The following DNAJA2 variants were observed in gnomAD, a reference collection of about 807,000 sequenced individuals.
The protein encoded by DNAJA2 is dnaJ homolog subfamily A member 2.
DNAJA2 carries 6 observed loss-of-function variants against 49.3 expected under a neutral mutation model. The ratio of observed to expected loss-of-function variants is 0.12; its 90% CI spans 0.07 to 0.24. The LOEUF (loss-of-function observed/expected upper bound fraction) is 0.24, where lower values mean the gene tolerates loss of function less well. Among genes scored for constraint, DNAJA2 ranks in the 10% least tolerant of loss-of-function variants. The pLI, the probability that DNAJA2 is intolerant of heterozygous loss-of-function variation, is 1.00. For missense variants in DNAJA2, 347 were observed against 516.8 expected, an observed-to-expected ratio of 0.67 and a Z score of 3.19; for synonymous variants, 160 against 172.7, an observed-to-expected ratio of 0.93 and a Z score of 0.58.
Position 46,972,206 on chromosome 16 carries a change from T to C in DNAJA2, c.79-251A>G, listed in dbSNP as rs575690732. The stretch of plus-strand genomic sequence containing the variant: ...AAAACCAGATAAAACAATGAAGCAA[T>C]GCCACAGGGAAAAACAAAACGTTCA... On this transcript the variant is annotated intron_variant, in intron 1 of 8. Transcript: ENST00000317089. 221 of 445,230 alleles carry C rather than the reference T, an allele frequency of 5.0e-4. 2 individuals carry two copies. The South Asian group carries it at 6.9e-3, about 14-fold the overall frequency. 27.6% of individuals were successfully genotyped at this position (445,230 alleles called of 1,614,324 possible).
Position 46,968,130 on chromosome 16 carries a change from T to C in DNAJA2, c.397A>G (p.Thr133Ala), listed in dbSNP as rs760275799. Residue 133 changes from threonine to alanine, a missense_variant, in exon 4 of 9, where the codon ACC becomes GCC. Physicochemically the swap from Thr to Ala is moderately conservative, Grantham distance 58. Coordinates refer to ENST00000317089, the MANE Select transcript of DNAJA2 (RefSeq NM_005880.4). ...SLEDLYNGKT[T>A]KLQLSKNVLC... is the part of the protein sequence containing the mutation. ...ACATTCTTGCTAAGTTGTAGTTTGG[T>C]TGTCTTGCCATTATACAGATCTTCT... 3.1e-6 allele frequency: 5 copies of C among 1,609,616 alleles called. No homozygotes were observed. The highest frequency in any genetic ancestry group is 1.7e-5 in the Admixed American group (1 of 58,586).
intron 5 of DNAJA2, among the ~76,000 whole-genome samples, chr16:46,967,253 A>T (rs865948944): frequency 6.6e-6 from 1 of 151,752 alleles, no homozygotes; most frequent in Admixed American, 6.6e-5. Context: ...CCCTCATTAC[A>T]TATTTTTCCA....
chr16:46,959,083 G>GA lies in DNAJA2; in HGVS notation c.966dup (p.Pro323SerfsTer3). The GA allele has an allele frequency of 6.2e-7, 1 of 1,612,828 alleles. No homozygotes were observed. The highest frequency in any genetic ancestry group is 8.5e-7 in the Non-Finnish European group (1 of 1,179,566). On this transcript the variant is annotated frameshift_variant, in exon 8 of 9. Transcript: ENST00000317089. LOFTEE classifies it high-confidence loss of function. ...ATGTAAAGATCACCTTTTTCAAAGGGATTACGATACTGCGGCATCCCTTCA... is the reference window on the plus strand; with the variant it reads ...ATGTAAAGATCACCTTTTTCAAAGGGAATTACGATACTGCGGCATCCCTTCA...
At position 46,971,370 on chromosome 16, in the gene DNAJA2, TCTC is replaced by T; in HGVS notation, c.338_340del (p.Gly113del). The T allele has an allele frequency of 6.2e-7, 1 of 1,613,522 alleles. No homozygotes were observed. Among genetic ancestry groups the T allele is most frequent in the Non-Finnish European group, 8.5e-7 (1 of 1,179,860 alleles). ...TCACTTGAGTGGATGCATCATGTCC[TCTC>T]CTCTTCTTCTGCCATTTCGACTTCT... On this transcript the variant is annotated inframe_deletion, in exon 3 of 9. Coordinates refer to ENST00000317089, the MANE Select transcript of DNAJA2 (RefSeq NM_005880.4).
At position 46,959,121 on chromosome 16, in the gene DNAJA2, C is replaced by T; in HGVS notation, c.929G>A (p.Arg310His). The change falls in exon 8 of 9, where the codon CGT (arginine) becomes CAT (histidine). Residue 310 changes from arginine (R) to histidine (H), a missense_variant. Transcript: ENST00000317089. ...PGKVIEPGCVRVVRGEGMPQY... is the reference protein window; with the variant it reads ...PGKVIEPGCVHVVRGEGMPQY... ...CGGCATCCCTTCACCTCGAACTACA[C>T]GAACACACCCTATTATTTAAGAGGA... 3 of 1,601,196 alleles carry T rather than the reference C, an allele frequency of 1.9e-6. No individual in the cohort carries two copies. The highest frequency in any genetic ancestry group is 2.6e-6 in the Non-Finnish European group (3 of 1,174,396).
chr16:46,972,213 G>A (rs1383340183), intron 1 of DNAJA2: 2 of 426,448 alleles, frequency 4.7e-6, no homozygotes. Context: ...CAATGCCACA[G>A]GGAAAAACAA....
intron 3 of DNAJA2, among the ~76,000 whole-genome samples, chr16:46,970,756 A>AAAAAAG (rs1962033694): frequency 2.1e-5 from 3 of 145,388 alleles, no homozygotes; most frequent in Non-Finnish European, 3.0e-5. Context: ...AAAAAAAAAA[A>AAAAAAG]GGTCGGGCAC....
chr16:46,958,587 AAC>A (rs202186822), intron 8 of DNAJA2: 10 of 149,162 alleles, frequency 6.7e-5, no homozygotes, highest in East Asian at 4.0e-4. Context: ...AAAACAAACA[AAC>A]AAAAAAACCC....
chr16:46,971,249 TGAA>T, intron 3 of DNAJA2, 97 bp downstream of exon 3: 1 of 973,916 alleles, frequency 1.0e-6, no homozygotes, highest in Non-Finnish European at 1.5e-6. Flanking sequence ...GTTTTTCTAA[TGAA>T]GGACAGAACA....
rs1961799159 is a variant in DNAJA2 at position 46,955,750 on chromosome 16, T to G, written c.*1279A>C. ...TCTGATGTCTCTTTCCTCAAATAAG[T>G]GTGTTCTAAAAATACCTACTGAGTG... On this transcript the variant is annotated 3_prime_UTR_variant, in exon 9 of 9. Transcript: ENST00000317089. The G allele has an allele frequency of 6.6e-6, 1 of 152,078 alleles. No homozygotes were observed. 9.4% of individuals were successfully genotyped at this position (152,078 alleles called of 1,614,324 possible). A position where few individuals can be genotyped will look rare whatever the true frequency, so the allele number is the denominator to read the frequency against.
At chr16:46,964,833 T>C (rs745655549) in intron 5 of DNAJA2, 26 bp from the exon 6 acceptor site, 2 of 1,584,564 alleles carry the variant, frequency 1.3e-6, no homozygotes, top group South Asian at 2.2e-5. Flanking sequence ...ATTGAAACTT[T>C]CAGCAAGAGT....
chr16:46,959,188 TTA>T, intron 7 of DNAJA2, 58 bp from the exon 8 acceptor site: 1 of 1,571,918 alleles, frequency 6.4e-7, no homozygotes. Context: ...TCAATTTTTT[TTA>T]GAGTTATGCA....
In DNAJA2 at chr16:46,955,465, A is replaced by T. The variant is rs1961795672; in HGVS notation, c.*1564T>A. On this transcript the variant is annotated 3_prime_UTR_variant, in exon 9 of 9. Coordinates refer to ENST00000317089, the MANE Select transcript of DNAJA2 (RefSeq NM_005880.4). ...GGGAAGTAACCTTGGATACAAAACT[A>T]CTATGCTGTTGAATCTTACCCAGGC... is the stretch of plus-strand genomic sequence containing the variant. 1 of 152,212 alleles carries T rather than the reference A, an allele frequency of 6.6e-6. No individual in the cohort carries two copies. Among genetic ancestry groups the T allele is most frequent in the Non-Finnish European group, 1.5e-5 (1 of 68,040 alleles). The allele number at this position is 152,212 out of a possible 1,614,324, so 9.4% of individuals were successfully genotyped here. A position where few individuals can be genotyped will look rare whatever the true frequency, so the allele number is the denominator to read the frequency against.
Position 46,973,477 on chromosome 16 carries a change from C to G in DNAJA2, c.78+18G>C. ...AGGCCCCGCGCCCCTCACACCCGCC[C>G]GGCCCGCTCCCAGATACCTTCTTCA... On this transcript the variant is annotated intron_variant, in intron 1 of 8. Coordinates refer to ENST00000317089, the MANE Select transcript of DNAJA2 (RefSeq NM_005880.4). The G allele has an allele frequency of 6.3e-7, 1 of 1,590,772 alleles. No homozygotes were observed. The highest frequency in any genetic ancestry group is 8.5e-7 in the Non-Finnish European group (1 of 1,173,080).
At position 46,967,983 on chromosome 16, in the gene DNAJA2, G is replaced by A. The variant is rs996822616; in HGVS notation, c.443+101C>T. On this transcript the variant is annotated intron_variant, in intron 4 of 8. Transcript: ENST00000317089. ...CAGGTGTGAGCCACCGCACCCAGCC[G>A]TAAGTTTTAACTTATAACAATTTTT... is the stretch of plus-strand genomic sequence containing the variant. 377 of 1,178,670 alleles carry A rather than the reference G, an allele frequency of 3.2e-4. 1 individual carries two copies. Among genetic ancestry groups the A allele is most frequent in the Non-Finnish European group, 3.0e-4 (252 of 837,336 alleles). 73.0% of individuals were successfully genotyped at this position (1,178,670 alleles called of 1,614,324 possible).
At position 46,967,989 on chromosome 16, in the gene DNAJA2, T is replaced by C. The variant is rs561798918; in HGVS notation, c.443+95A>G. On this transcript the variant is annotated intron_variant, in intron 4 of 8. Transcript: ENST00000317089. ...TGAGCCACCGCACCCAGCCGTAAGT[T>C]TTAACTTATAACAATTTTTACGTGG... 8 of 1,255,270 alleles carry C rather than the reference T, an allele frequency of 6.4e-6. No homozygotes were observed. In the African/African-American group the frequency reaches 1.2e-4, roughly 19 times the overall value. 77.8% of individuals were successfully genotyped at this position (1,255,270 alleles called of 1,614,324 possible). A position where few individuals can be genotyped will look rare whatever the true frequency, so the allele number is the denominator to read the frequency against.
chr16:46,971,600 A>G, intron 2 of DNAJA2, 28 bp from the exon 3 acceptor site: 1 of 1,430,208 alleles, frequency 7.0e-7, no homozygotes, highest in Non-Finnish European at 9.3e-7. Context: ...AAATAAAAAT[A>G]ATTGCATTTT....
chr16:46,970,155 T>C (rs553012355), intron 3 of DNAJA2, among the ~76,000 whole-genome samples: 1 of 152,340 alleles, frequency 6.6e-6, no homozygotes, highest in East Asian at 1.9e-4. Context: ...AAATCATTTA[T>C]TGGTCCATGA....
In DNAJA2 at chr16:46,971,047, A is replaced by AAG. The variant is rs546019059; in HGVS notation, c.362+300_362+301dup. On this transcript the variant is annotated intron_variant, in intron 3 of 8. Coordinates refer to ENST00000317089, the MANE Select transcript of DNAJA2 (RefSeq NM_005880.4). The stretch of plus-strand genomic sequence containing the variant: ...CGAAACTCGGTCTCAAAAAAAAAAA[A>AAG]AGAGAGAGAGAGAAAATGATCTTCA... 3.0e-4 allele frequency among the ~76,000 whole-genome samples: 45 copies of AAG among 152,002 alleles called. No individual in the cohort carries two copies. In the East Asian group the frequency reaches 8.1e-3, roughly 27 times the overall value.
Sources: gnomAD v4.1 joint callset for allele counts (sites outside exome capture counted in the v4.1 genomes callset) on GRCh38, gnomAD v4.1.1 for gene constraint, MANE v1.5 for transcripts, NCBI Gene and HGNC (gene_info 2026-07-23, HGNC 2026-07-21) for gene names.